NLRC4: variants seen among roughly 807,000 people sequenced by gnomAD.
NLRC4 encodes the protein NLR family CARD domain containing 4, also known as NLR family CARD domain-containing protein 4.
In NLRC4, 63 loss-of-function variants were observed where a neutral mutation model predicts 79.9. The ratio of observed to expected loss-of-function variants is 0.79; its 90% CI spans 0.64 to 0.97. The LOEUF (loss-of-function observed/expected upper bound fraction) is 0.97, where lower values mean the gene tolerates loss of function less well. Among genes scored for constraint, NLRC4 ranks in the 50% least tolerant of loss-of-function variants. The pLI is 0.00. For synonymous variants in NLRC4, 461 were observed against 456.5 expected (o/e 1.01, Z -0.12); for missense variants, 1,074 against 1,215.2 (o/e 0.88, Z 1.73).
At chr2:32,241,227 G>C in intron 4 of NLRC4, 102 bp from the exon 5 acceptor site, 8 of 739,768 alleles carry the variant, frequency 1.1e-5, no homozygotes, top group Middle Eastern at 2.8e-4. Context: ...AGATTTTAAT[G>C]ATCATCATGA....
intron 4 of NLRC4, among the ~76,000 whole-genome samples, chr2:32,244,822 A>G (rs979693345): frequency 8.9e-5 from 13 of 146,506 alleles, no homozygotes; most frequent in South Asian, 2.4e-4. Flanking sequence ...TACAAAAAAG[A>G]AGGAGGAGGA....
chr2:32,251,522 A>G lies in NLRC4; in HGVS notation c.342T>C (p.Phe114=). 2.5e-6 allele frequency: 4 copies of G among 1,614,036 alleles called. No individual in the cohort carries two copies. Among genetic ancestry groups the G allele is most frequent in the Non-Finnish European group, 3.4e-6 (4 of 1,179,920 alleles). Residue 114 remains phenylalanine, a synonymous_variant, in exon 4 of 9, where the codon TTT becomes TTC. Coordinates refer to ENST00000402280, the MANE Select transcript of NLRC4 (RefSeq NM_001199138.2). ...CTTCACCAAGGGGATAAAAGTTCAG[A>G]AAAGATGGGGTATGGTACAAGTCCT... ...DLKDLYHTPS[F]LNFYPLGEDI...
intron 8 of NLRC4, among the ~76,000 whole-genome samples, chr2:32,229,015 C>G (rs898912878): frequency 1.3e-5 from 2 of 152,020 alleles, no homozygotes; most frequent in African/African-American, 4.8e-5. Context: ...ATACACCCAC[C>G]TTGGCCTCAC....
rs1573494091 is a variant in NLRC4, at chr2:32,250,898, C to T, written c.966G>A (p.Leu322=). ...AGCACCTGGATTTCTGAATTTGGAGCAACAAGCCTTCAGCAAGCTCCTTGA... is the reference window on the plus strand; with the variant it reads ...AGCACCTGGATTTCTGAATTTGGAGTAACAAGCCTTCAGCAAGCTCCTTGA... ...VLIKELAEGL[L]LQIQKSRCLR... is the part of the protein sequence containing the mutation. The change falls in exon 4 of 9, where the codon TTG becomes TTA. Residue 322 remains leucine, a synonymous_variant. Transcript: ENST00000402280. The surrounding 1 kb of genome is among the most constrained non-coding windows in gnomAD (Gnocchi z 4.9). The T allele has an allele frequency of 6.2e-7, 1 of 1,614,134 alleles. No homozygotes were observed. Among genetic ancestry groups the T allele is most frequent in the Middle Eastern group, 1.6e-4 (1 of 6,062 alleles).
At position 32,250,754 on chromosome 2, in the gene NLRC4, C is replaced by T. The variant is rs1271703810; in HGVS notation, c.1110G>A (p.Leu370=). 2 of 1,614,012 alleles carry T rather than the reference C, an allele frequency of 1.2e-6. No homozygotes were observed. The highest frequency in any genetic ancestry group is 1.7e-6 in the Non-Finnish European group (2 of 1,180,008). ...TTLFHTFYDL[L]IQKNKHKHKG... ...TATGTTTGTGTTTGTTTTTCTGTAT[C>T]AACAGATCATAGAAGGTATGGAACA... is the stretch of plus-strand genomic sequence containing the variant. Residue 370 remains leucine (L), a synonymous_variant, in exon 4 of 9, where the codon TTG becomes TTA. Coordinates refer to ENST00000402280, the MANE Select transcript of NLRC4 (RefSeq NM_001199138.2). This position sits in a 1 kb window ranked among gnomAD's most constrained non-coding sequence, Gnocchi z 4.9.
At chr2:32,265,321 C>T (rs1257993128), upstream of NLRC4, among the ~76,000 whole-genome samples, 1 of 152,120 alleles carries the variant, frequency 6.6e-6, no homozygotes. Flanking sequence ...GCTAAGACTA[C>T]AGGCGTGCAC....
At chr2:32,264,175 C>T (rs1558465593) in intron 1 of NLRC4, among the ~76,000 whole-genome samples, 1 of 152,080 alleles carries the variant, frequency 6.6e-6, no homozygotes. Context: ...TTGGCTCACA[C>T]CTGTAATCCC....
In NLRC4 at chr2:32,250,989, G is replaced by C. The variant is rs758484316; in HGVS notation, c.875C>G (p.Ala292Gly). The change falls in exon 4 of 9, where the codon GCC becomes GGC. Residue 292 changes from alanine to glycine, a missense_variant. Transcript: ENST00000402280. This position sits in a 1 kb window ranked among gnomAD's most constrained non-coding sequence, Gnocchi z 4.9. ...ECLRHIRQFG[A>G]LTAEVGDMTE... ...CATATCCCCCACCTCAGCAGTCAGG[G>C]CACCAAACTGCCGTATGTGCCTCAG... 6.2e-7 allele frequency: 1 copy of C among 1,614,158 alleles called. No homozygotes were observed. Among genetic ancestry groups the C allele is most frequent in the Non-Finnish European group, 8.5e-7 (1 of 1,180,028 alleles).
chr2:32,262,649 A>G (rs1687378428), intron 1 of NLRC4, among the ~76,000 whole-genome samples: 1 of 151,940 alleles, frequency 6.6e-6, no homozygotes, highest in Non-Finnish European at 1.5e-5. Flanking sequence ...GGAGGTGCAC[A>G]CCTGTAATCC....
intron 3 of NLRC4, among the ~76,000 whole-genome samples, chr2:32,252,095 A>G (rs943550420): frequency 1.3e-5 from 2 of 152,194 alleles, no homozygotes; most frequent in Non-Finnish European, 2.9e-5. Flanking sequence ...TCCCATAGGT[A>G]GATCTCATCC....
intron 1 of NLRC4, among the ~76,000 whole-genome samples, chr2:32,259,362 T>C (rs1687286062): frequency 1.3e-5 from 2 of 148,332 alleles, no homozygotes; most frequent in African/African-American, 2.5e-5. Flanking sequence ...TCTGCCTCAG[T>C]CTCCCAAAAT....
At chr2:32,225,616 T>A (rs1686370119) in intron 8 of NLRC4, among the ~76,000 whole-genome samples, 1 of 152,202 alleles carries the variant, frequency 6.6e-6, no homozygotes, top group Non-Finnish European at 1.5e-5. Flanking sequence ...ACTAGCTCTG[T>A]GTTAATTACA....
Position 32,236,226 on chromosome 2 carries a change from T to G in NLRC4, c.2614+21A>C, listed in dbSNP as rs200358388. The stretch of plus-strand genomic sequence containing the variant: ...GTATACATATTCAAGTATCTAATTT[T>G]GGCTGAATTGTCATTCTTACTCAGT... On this transcript the variant is annotated intron_variant, in intron 7 of 8. Coordinates refer to ENST00000402280, the MANE Select transcript of NLRC4 (RefSeq NM_001199138.2). 1.3e-5 allele frequency: 19 copies of G among 1,466,988 alleles called. No individual in the cohort carries two copies. The African/African-American group carries it at 2.0e-4, about 15-fold the overall frequency. The allele number at this position is 1,466,988 out of a possible 1,614,324, so 90.9% of individuals were successfully genotyped here. A position where few individuals can be genotyped will look rare whatever the true frequency, so the allele number is the denominator to read the frequency against.
At chr2:32,240,954 C>T in intron 5 of NLRC4, 79 bp downstream of exon 5, 1 of 854,156 alleles carries the variant, frequency 1.2e-6, no homozygotes, top group Non-Finnish European at 2.0e-6. Flanking sequence ...TGTGCAGACA[C>T]AGCCAATGTC....
intron 6 of NLRC4, among the ~76,000 whole-genome samples, chr2:32,237,123 T>C (rs1686692101): frequency 6.6e-6 from 1 of 152,204 alleles, no homozygotes; most frequent in Non-Finnish European, 1.5e-5. Context: ...AAGAATTGCT[T>C]AGTGCTTTTC....
chr2:32,262,440 G>A (rs1466482613), intron 1 of NLRC4, among the ~76,000 whole-genome samples: 1 of 152,168 alleles, frequency 6.6e-6, no homozygotes, highest in African/African-American at 2.4e-5. Context: ...TCCATATACT[G>A]AAGATCATGT....
chr2:32,249,597 T>C lies in NLRC4; in HGVS notation c.2257+10A>G, dbSNP rs751142560. 1.8e-5 allele frequency: 28 copies of C among 1,555,180 alleles called. No individual in the cohort carries two copies. The highest frequency in any genetic ancestry group is 2.4e-5 in the Non-Finnish European group (28 of 1,151,974). On this transcript the variant is annotated intron_variant, in intron 4 of 8. Coordinates refer to ENST00000402280, the MANE Select transcript of NLRC4 (RefSeq NM_001199138.2). ...GTGAACAAAGCACAAACCACTGATATTTACAATACCCGGCAGCCGTTGATT... is the reference window on the plus strand; with the variant it reads ...GTGAACAAAGCACAAACCACTGATACTTACAATACCCGGCAGCCGTTGATT...
chr2:32,253,539 T>C (rs150501736), intron 2 of NLRC4, among the ~76,000 whole-genome samples: 1 of 152,280 alleles, frequency 6.6e-6, no homozygotes, highest in African/African-American at 2.4e-5. Flanking sequence ...CCCTCTGATA[T>C]AAAGCAGTCC....
At position 32,235,530 on chromosome 2, in the gene NLRC4, T is replaced by G; in HGVS notation, c.2653A>C (p.Met885Leu). Residue 885 changes from methionine to leucine, a missense_variant, in exon 8 of 9, where the codon ATG (methionine) becomes CTG (leucine). Physicochemically the swap from Met to Leu is conservative, Grantham distance 15 (BLOSUM62 2). Coordinates refer to ENST00000402280, the MANE Select transcript of NLRC4 (RefSeq NM_001199138.2). ...TGCACGTCACAGCCCCAGGGCAGCATCAGTGCGGTGAGCTGTTCTAGCACG... is the reference window on the plus strand; with the variant it reads ...TGCACGTCACAGCCCCAGGGCAGCAGCAGTGCGGTGAGCTGTTCTAGCACG... The part of the protein sequence containing the change: ...MNVLEQLTAL[M>L]LPWGCDVQGS... 6.2e-7 allele frequency: 1 copy of G among 1,614,206 alleles called. No homozygotes were observed. Among genetic ancestry groups the G allele is most frequent in the African/African-American group, 1.3e-5 (1 of 75,060 alleles).
Sources: gnomAD v4.1 joint callset for allele counts (sites outside exome capture counted in the v4.1 genomes callset) on GRCh38, gnomAD v4.1.1 for gene constraint, Gnocchi (gnomAD v3.1) non-coding constraint, MANE v1.5 for transcripts, NCBI Gene and HGNC (gene_info 2026-07-23, HGNC 2026-07-21) for gene names.